NUMB: variants seen among roughly 807,000 people sequenced by gnomAD.
The protein encoded by NUMB is NUMB endocytic adaptor protein.
Under a neutral mutation model 59.7 loss-of-function variants are expected in NUMB, and 29 were observed. The observed-to-expected ratio is 0.49, with a 90% CI of 0.36 to 0.66. The LOEUF (loss-of-function observed/expected upper bound fraction) is 0.66. Among genes scored for constraint, NUMB ranks in the 30% least tolerant of loss-of-function variants. NUMB has a pLI of 0.00. For synonymous variants in NUMB, 288 were observed against 288.2 expected, an observed-to-expected ratio of 1.00 and a Z score of 0.01; for missense variants, 723 against 822.0, an observed-to-expected ratio of 0.88 and a Z score of 1.47.
chr14:73,360,921 A>T (rs189402972), intron 3 of NUMB, among the ~76,000 whole-genome samples: 123 of 151,794 alleles, frequency 8.1e-4, no homozygotes, highest in African/African-American at 2.7e-3. Flanking sequence ...ACAGGGTATC[A>T]CTCTGTCACC....
chr14:73,290,893 G>A (rs570979901), intron 8 of NUMB, among the ~76,000 whole-genome samples: 9 of 152,120 alleles, frequency 5.9e-5, no homozygotes, highest in East Asian at 1.9e-4. Flanking sequence ...TCAGATTTTC[G>A]GATTTGAAAT....
chr14:73,347,353 T>C (rs1194338770), intron 4 of NUMB, among the ~76,000 whole-genome samples: 1 of 152,194 alleles, frequency 6.6e-6, no homozygotes, highest in Non-Finnish European at 1.5e-5. Context: ...TGCTGAGTTT[T>C]TCAAATATGT....
At chr14:73,295,583 T>C (rs1889720803) in intron 7 of NUMB, among the ~76,000 whole-genome samples, 1 of 152,168 alleles carries the variant, frequency 6.6e-6, no homozygotes. Flanking sequence ...AAGTATGCAA[T>C]GTAATAAGGT....
intron 1 of NUMB, among the ~76,000 whole-genome samples, chr14:73,454,967 T>C (rs1405763773): frequency 6.6e-6 from 1 of 152,114 alleles, no homozygotes; most frequent in African/African-American, 2.4e-5. Flanking sequence ...CTGAACTCAA[T>C]GCAAGAAATC....
At chr14:73,347,260 G>A (rs1892964714) in intron 4 of NUMB, among the ~76,000 whole-genome samples, 3 of 152,064 alleles carry the variant, frequency 2.0e-5, no homozygotes, top group African/African-American at 7.2e-5. Flanking sequence ...GCTTTTTGAA[G>A]ATAAACTTTT....
intron 1 of NUMB, among the ~76,000 whole-genome samples, chr14:73,442,227 G>A (rs73310944): frequency 0.015 from 2,235 of 150,308 alleles, 54 homozygotes; most frequent in African/African-American, 0.048. Flanking sequence ...AAAAAAAAAC[G>A]GGCAGGAGTG....
intron 6 of NUMB, among the ~76,000 whole-genome samples, chr14:73,308,435 TTAA>T (rs917117054): frequency 2.2e-4 from 34 of 152,140 alleles, no homozygotes; most frequent in Non-Finnish European, 2.9e-5. Flanking sequence ...GAGAAAAAGT[TTAA>T]TAATGATGAT....
chr14:73,358,229 T>C (rs778037617), intron 3 of NUMB, among the ~76,000 whole-genome samples: 4 of 152,206 alleles, frequency 2.6e-5, no homozygotes, highest in Non-Finnish European at 4.4e-5. Context: ...GTATAAGTGA[T>C]ACTCAAGTAT....
intron 3 of NUMB, among the ~76,000 whole-genome samples, chr14:73,360,877 T>A (rs1049271035): frequency 6.6e-6 from 1 of 152,046 alleles, no homozygotes; most frequent in Non-Finnish European, 1.5e-5. Context: ...ACAGGGTCTA[T>A]CTTATCTTTT....
intron 3 of NUMB, among the ~76,000 whole-genome samples, chr14:73,356,226 TC>T (rs1893774081): frequency 2.0e-5 from 3 of 152,174 alleles, no homozygotes; most frequent in Admixed American, 2.0e-4. Flanking sequence ...AAGAAAAAAA[TC>T]ATTCTGAAAC....
rs1416600889 is a variant in NUMB at position 73,287,233 on chromosome 14, C to T, written c.532G>A (p.Val178Met). The change falls in exon 9 of 13, where the codon GTG (valine) becomes ATG (methionine). Residue 178 changes from valine (V) to methionine (M), a missense_variant. Transcript: ENST00000555238. Reference protein sequence around the residue: ...RKQKREKECGVTATFDASRTT... With the variant: ...RKQKREKECGMTATFDASRTT... ...CGACTAGCATCAAAAGTAGCAGTCACTCCACATTCCTTCTCCCGCTTCTGC... is the reference window on the plus strand; with the variant it reads ...CGACTAGCATCAAAAGTAGCAGTCATTCCACATTCCTTCTCCCGCTTCTGC... The T allele has an allele frequency of 6.2e-7, 1 of 1,613,778 alleles. No homozygotes were observed. Among genetic ancestry groups the T allele is most frequent in the African/African-American group, 1.3e-5 (1 of 74,924 alleles).
intron 4 of NUMB, among the ~76,000 whole-genome samples, chr14:73,350,944 T>C (rs750235238): frequency 2.8e-4 from 43 of 152,212 alleles, no homozygotes; most frequent in Non-Finnish European, 3.5e-4. Context: ...AATATTTTGC[T>C]AGGCTCCTTG....
intron 12 of NUMB, among the ~76,000 whole-genome samples, chr14:73,277,895 T>C (rs33988382): frequency 0.2 from 30,422 of 151,546 alleles, 3,419 homozygotes; most frequent in South Asian, 0.26. Context: ...CCGTCTCTAC[T>C]AAAAATACAA....
At chr14:73,397,226 A>G (rs956409264) in intron 2 of NUMB, among the ~76,000 whole-genome samples, 3 of 152,172 alleles carry the variant, frequency 2.0e-5, no homozygotes, top group Non-Finnish European at 4.4e-5. Context: ...AAGAATATGC[A>G]CTTCTAACAA....
chr14:73,425,135 A>G (rs1248805523), intron 1 of NUMB, among the ~76,000 whole-genome samples: 2 of 150,534 alleles, frequency 1.3e-5, no homozygotes, highest in East Asian at 4.0e-4. Flanking sequence ...GCCAACTTCT[A>G]TGGTGTCTCT....
intron 2 of NUMB, among the ~76,000 whole-genome samples, chr14:73,374,520 C>T (rs1466252573): frequency 6.6e-6 from 1 of 151,986 alleles, no homozygotes; most frequent in Non-Finnish European, 1.5e-5. Flanking sequence ...TTTCTCTGTC[C>T]AGATCCTTCT....
intron 1 of NUMB, among the ~76,000 whole-genome samples, chr14:73,423,241 T>G (rs1421765981): frequency 6.6e-6 from 1 of 151,856 alleles, no homozygotes; most frequent in East Asian, 1.9e-4. Flanking sequence ...GGCTCACTAC[T>G]GTAATCCCAG....
chr14:73,454,490 G>A (rs1878683743), intron 1 of NUMB, among the ~76,000 whole-genome samples: 1 of 152,136 alleles, frequency 6.6e-6, no homozygotes, highest in Non-Finnish European at 1.5e-5. Flanking sequence ...TTATTGTACA[G>A]CGAGTTGGAG....
intron 3 of NUMB, among the ~76,000 whole-genome samples, chr14:73,364,343 A>G (rs1894233724): frequency 6.6e-6 from 1 of 151,894 alleles, no homozygotes; most frequent in Non-Finnish European, 1.5e-5. Context: ...ATCTCTACTA[A>G]AAGTACAAAA....
Sources: gnomAD v4.1 joint callset for allele counts (sites outside exome capture counted in the v4.1 genomes callset) on GRCh38, gnomAD v4.1.1 for gene constraint, MANE v1.5 for transcripts, NCBI Gene and HGNC (gene_info 2026-07-23, HGNC 2026-07-21) for gene names.